Variants in SEPTIN10 observed in about 807,000 individuals in gnomAD.
SEPTIN10 encodes the protein septin-10.
Under a neutral mutation model 54.8 loss-of-function variants are expected in SEPTIN10, and 66 were observed. The ratio of observed to expected loss-of-function variants is 1.21; its 90% CI spans 0.99 to 1.48. The LOEUF is 1.48. SEPTIN10 is among the 40% of genes most tolerant of loss of function. The pLI is 0.00. For missense variants in SEPTIN10, 620 were observed against 545.6 expected (o/e 1.14, Z -1.36); for synonymous variants, 161 against 181.0 (o/e 0.89, Z 0.89).
chr2:109,545,092 CT>C, intron 10 of SEPTIN10: 1 of 985,370 alleles, frequency 1.0e-6, no homozygotes, highest in Non-Finnish European at 1.2e-6. Flanking sequence ...GAAAATGGGT[CT>C]GAAATAGATG....
At chr2:109,576,668 T>C (rs1399812331) in intron 4 of SEPTIN10, among the ~76,000 whole-genome samples, 2 of 152,220 alleles carry the variant, frequency 1.3e-5, no homozygotes, top group East Asian at 3.8e-4. Flanking sequence ...GGACCTATTA[T>C]ATGACCTAAA....
At chr2:109,555,230 A>C (rs776437802) in intron 8 of SEPTIN10, among the ~76,000 whole-genome samples, 5 of 152,284 alleles carry the variant, frequency 3.3e-5, no homozygotes, top group Middle Eastern at 6.8e-3. Flanking sequence ...GCACTCAAGA[A>C]ACTTTATAAT....
intron 9 of SEPTIN10, among the ~76,000 whole-genome samples, chr2:109,548,177 C>T (rs1345795631): frequency 1.4e-5 from 2 of 145,676 alleles, no homozygotes; most frequent in Non-Finnish European, 3.0e-5. Context: ...TGGCTTACCT[C>T]AAAAAAAAAA....
chr2:109,548,938 TAGGAG>T (rs1558693656), intron 9 of SEPTIN10, among the ~76,000 whole-genome samples: 1 of 152,130 alleles, frequency 6.6e-6, no homozygotes, highest in Non-Finnish European at 1.5e-5. Flanking sequence ...GACCACCTGA[TAGGAG>T]AAGTATTCCA....
intron 1 of SEPTIN10, among the ~76,000 whole-genome samples, chr2:109,602,208 TA>T (rs1227388424): frequency 6.5e-4 from 99 of 152,310 alleles, no homozygotes; most frequent in African/African-American, 2.4e-3. Flanking sequence ...ATTTTATGAC[TA>T]TAACTTGGAA....
chr2:109,598,208 C>T (rs1329848173), intron 1 of SEPTIN10, among the ~76,000 whole-genome samples: 1 of 151,942 alleles, frequency 6.6e-6, no homozygotes, highest in Non-Finnish European at 1.5e-5. Flanking sequence ...GCTAGGATTA[C>T]AGGCATGCAC....
At chr2:109,574,442 CTAAAAAA>C (rs1689119584) in intron 5 of SEPTIN10, 132 bp downstream of exon 5, 30 of 269,232 alleles carry the variant, frequency 1.1e-4, no homozygotes, top group Non-Finnish European at 1.5e-4. Flanking sequence ...GACTTTATCT[CTAAAAAA>C]AAAAAAAAAA....
At chr2:109,548,244 C>CA (rs1681840726) in intron 9 of SEPTIN10, among the ~76,000 whole-genome samples, 1 of 151,544 alleles carries the variant, frequency 6.6e-6, no homozygotes, top group African/African-American at 2.4e-5. Flanking sequence ...TGCCCTCTAA[C>CA]AACACAACCA....
intron 10 of SEPTIN10, chr2:109,545,477 C>T (rs541287238): frequency 1.6e-5 from 24 of 1,536,130 alleles, no homozygotes; most frequent in South Asian, 1.2e-4. Flanking sequence ...TGCGTCTTTA[C>T]GTCCACCATT....
At chr2:109,612,429 TGG>T (rs1177294508) in intron 1 of SEPTIN10, among the ~76,000 whole-genome samples, 2 of 152,220 alleles carry the variant, frequency 1.3e-5, no homozygotes, top group Non-Finnish European at 1.5e-5. Context: ...TATCGTACTA[TGG>T]GTTTGCCAGA....
intron 2 of SEPTIN10, among the ~76,000 whole-genome samples, chr2:109,591,975 CCT>C (rs1694169137): frequency 6.6e-6 from 1 of 152,124 alleles, no homozygotes; most frequent in Non-Finnish European, 1.5e-5. Context: ...TAGTTACTCA[CCT>C]CTTTCACCAG....
intron 5 of SEPTIN10, among the ~76,000 whole-genome samples, chr2:109,569,414 G>A (rs1269905859): frequency 6.7e-6 from 1 of 149,618 alleles, no homozygotes; most frequent in Admixed American, 6.7e-5. Flanking sequence ...CTTCAGCCTG[G>A]GCAACAAGAG....
intron 1 of SEPTIN10, among the ~76,000 whole-genome samples, chr2:109,593,805 A>G (rs1395159442): frequency 6.6e-6 from 1 of 152,168 alleles, no homozygotes; most frequent in Non-Finnish European, 1.5e-5. Flanking sequence ...GAATGCTACA[A>G]TTGTGGTGTG....
chr2:109,613,927 G>A lies in SEPTIN10; in HGVS notation c.-100C>T. The A allele has an allele frequency of 8.2e-7, 1 of 1,222,572 alleles. No individual in the cohort carries two copies. Among genetic ancestry groups the A allele is most frequent in the Non-Finnish European group, 1.0e-6 (1 of 981,804 alleles). The allele number at this position is 1,222,572 out of a possible 1,614,324, so 75.7% of individuals were successfully genotyped here. ...GAAGGCCGGAGGGCAGAAGCAACGG[G>A]CGGGGCGCGAGGCTAGGCTGCCTCC... is the stretch of plus-strand genomic sequence containing the variant. On this transcript the variant is annotated 5_prime_UTR_variant, in exon 1 of 11. Coordinates refer to ENST00000397712, the MANE Select transcript of SEPTIN10 (RefSeq NM_144710.5).
chr2:109,606,672 CTTTTTTTTT>C (rs34414105), intron 1 of SEPTIN10, among the ~76,000 whole-genome samples: 5 of 71,910 alleles, frequency 7.0e-5, no homozygotes, highest in African/African-American at 2.2e-4. Flanking sequence ...AAATTTTAAG[CTTTTTTTTT>C]TTTTTTTTTT....
At chr2:109,557,322 T>C (rs915588253) in intron 8 of SEPTIN10, among the ~76,000 whole-genome samples, 2 of 152,242 alleles carry the variant, frequency 1.3e-5, no homozygotes, top group African/African-American at 4.8e-5. Flanking sequence ...CTAACATTTG[T>C]TGAGTATCTG....
chr2:109,604,486 G>A (rs1252535851), intron 1 of SEPTIN10, among the ~76,000 whole-genome samples: 1 of 150,506 alleles, frequency 6.6e-6, no homozygotes, highest in Non-Finnish European at 1.5e-5. Flanking sequence ...TAGCACTTTG[G>A]GAGGCCGAGG....
At chr2:109,567,679 G>T in intron 6 of SEPTIN10, 136 bp downstream of exon 6, 2 of 819,840 alleles carry the variant, frequency 2.4e-6, no homozygotes, top group South Asian at 2.9e-5. Flanking sequence ...TTCTCATACT[G>T]GACTTTTTGA....
In SEPTIN10 at chr2:109,577,522, G is replaced by T. The variant is rs540360515; in HGVS notation, c.414-2755C>A. ...CAGGAGAACTGCTGGAGTGCAGGAG[G>T]TGGAGGTTGCAGTGAGCCGAGATCG... On this transcript the variant is annotated intron_variant, in intron 4 of 10. Coordinates refer to ENST00000397712, the MANE Select transcript of SEPTIN10 (RefSeq NM_144710.5). 5.3e-4 allele frequency among the ~76,000 whole-genome samples: 81 copies of T among 151,972 alleles called. 1 individual carries two copies. The Middle Eastern group carries it at 0.017, about 32-fold the overall frequency.
Sources: gnomAD v4.1 joint callset for allele counts (sites outside exome capture counted in the v4.1 genomes callset) on GRCh38, gnomAD v4.1.1 for gene constraint, MANE v1.5 for transcripts, NCBI Gene and HGNC (gene_info 2026-07-23, HGNC 2026-07-21) for gene names.